The following ZFHX2 variants were observed in gnomAD, a reference collection of about 807,000 sequenced individuals.
The protein encoded by ZFHX2 is zinc finger homeobox protein 2.
A neutral mutation model predicts 164.8 loss-of-function variants in ZFHX2; 75 were observed. The ratio of observed to expected loss-of-function variants is 0.46; its 90% CI spans 0.38 to 0.55. The LOEUF (loss-of-function observed/expected upper bound fraction) is 0.55, where lower values mean the gene tolerates loss of function less well. Among genes scored for constraint, ZFHX2 ranks in the 20% least tolerant of loss-of-function variants. ZFHX2 has a pLI of 0.00. For missense variants in ZFHX2, 2,933 were observed against 3,308.0 expected, an observed-to-expected ratio of 0.89 and a Z score of 2.78; for synonymous variants, 1,217 against 1,351.4, an observed-to-expected ratio of 0.90 and a Z score of 2.18.
chr14:23,541,649 C>T (rs1880830206), intron 1 of ZFHX2, among the ~76,000 whole-genome samples: 1 of 152,188 alleles, frequency 6.6e-6, no homozygotes, highest in Non-Finnish European at 1.5e-5. Context: ...ATTGCTGGGT[C>T]TAGAGAGACC....
At chr14:23,531,420 G>C in intron 4 of ZFHX2, 61 bp downstream of exon 4, 2 of 1,343,706 alleles carry the variant, frequency 1.5e-6, no homozygotes, top group Non-Finnish European at 1.9e-6. Context: ...CAGCCCCCCT[G>C]CTCCCCACAT....
chr14:23,544,775 C>T (rs1048586533), intron 1 of ZFHX2, among the ~76,000 whole-genome samples: 3 of 152,190 alleles, frequency 2.0e-5, no homozygotes, highest in South Asian at 2.1e-4. Context: ...GATGAGGCCC[C>T]GCCCACTGGC....
chr14:23,532,610 T>C lies in ZFHX2; in HGVS notation c.2516A>G (p.His839Arg). 1 of 1,453,650 alleles carries C rather than the reference T, an allele frequency of 6.9e-7. No individual in the cohort carries two copies. The highest frequency in any genetic ancestry group is 9.0e-7 in the Non-Finnish European group (1 of 1,105,770). 90.0% of individuals were successfully genotyped at this position (1,453,650 alleles called of 1,614,324 possible). The change falls in exon 3 of 10, where the codon CAT becomes CGT. Residue 839 changes from histidine to arginine, a missense_variant. Physicochemically the swap from His to Arg is conservative, Grantham distance 29. Transcript: ENST00000419474. ...TTCTTCGTGGGCTGCACCCCTGGCATGCAGCTGCATCTTCTCCTTGCTGTT... is the reference window on the plus strand; with the variant it reads ...TTCTTCGTGGGCTGCACCCCTGGCACGCAGCTGCATCTTCTCCTTGCTGTT... ...ESNSKEKMQL[H>R]ARGAAHEENS...
chr14:23,524,624 T>C lies in ZFHX2; in HGVS notation c.5318A>G (p.Gln1773Arg), dbSNP rs761152772. ...PSPSPAHTCD[Q>R]CAISFSSQDL... is the part of the protein sequence containing the mutation. ...CTGGCTGGAGAAAGAAATGGCACAC[T>C]GGTCACAGGTATGGGCTGGGGAAGG... is the stretch of plus-strand genomic sequence containing the variant. The change falls in exon 9 of 10, where the codon CAG (glutamine) becomes CGG (arginine). Residue 1773 changes from glutamine to arginine, a missense_variant. Coordinates refer to ENST00000419474, the MANE Select transcript of ZFHX2 (RefSeq NM_033400.3). The surrounding 1 kb of genome is among the most constrained non-coding windows in gnomAD (Gnocchi z 5.6). 4.6e-6 allele frequency: 7 copies of C among 1,536,334 alleles called. No individual in the cohort carries two copies. The highest frequency in any genetic ancestry group is 1.4e-5 in the African/African-American group (1 of 73,154).
chr14:23,527,542 C>G, intron 7 of ZFHX2, 62 bp downstream of exon 7: 1 of 1,524,906 alleles, frequency 6.6e-7, no homozygotes, highest in Non-Finnish European at 8.8e-7. Context: ...CTGCCTCTTC[C>G]TCCCCTCCTG....
rs1846974265 is a variant in ZFHX2, at chr14:23,546,438, G to A, written c.-50+4905C>T. On this transcript the variant is annotated intron_variant, in intron 1 of 9. Coordinates refer to ENST00000419474, the MANE Select transcript of ZFHX2 (RefSeq NM_033400.3). This position sits in a 1 kb window ranked among gnomAD's most constrained non-coding sequence, Gnocchi z 4.7. Reference sequence around the variant, plus strand: ...GGTGTATGCAGCCCCCATGCCAGTGGTACAGCTTGGTGACAGGACTGTGGG... The same window carrying A: ...GGTGTATGCAGCCCCCATGCCAGTGATACAGCTTGGTGACAGGACTGTGGG... 6.6e-6 allele frequency among the ~76,000 whole-genome samples: 1 copy of A among 152,278 alleles called. No homozygotes were observed. Among genetic ancestry groups the A allele is most frequent in the African/African-American group, 2.4e-5 (1 of 41,546 alleles).
rs1219731602 is a variant in ZFHX2, at chr14:23,527,820, G to A, written c.2935-16C>T. 2 of 1,534,170 alleles carry A rather than the reference G, an allele frequency of 1.3e-6. No homozygotes were observed. Among genetic ancestry groups the A allele is most frequent in the East Asian group, 4.9e-5 (2 of 40,866 alleles). The stretch of plus-strand genomic sequence containing the variant: ...AGCAGTATACCTGGAGGGAACATAT[G>A]GGCAGTGGACGAAGTGTCAGGGAAG... On this transcript the variant is annotated splice_polypyrimidine_tract_variant and intron_variant, in intron 6 of 9. Coordinates refer to ENST00000419474, the MANE Select transcript of ZFHX2 (RefSeq NM_033400.3).
intron 9 of ZFHX2, 53 bp from the exon 10 acceptor site, chr14:23,522,994 C>A: frequency 7.0e-7 from 1 of 1,424,128 alleles, no homozygotes; most frequent in Non-Finnish European, 9.1e-7. Context: ...TCCCATCATT[C>A]TTCCTGCCAT....
intron 1 of ZFHX2, among the ~76,000 whole-genome samples, chr14:23,547,667 C>T (rs886376689): frequency 6.6e-6 from 1 of 152,202 alleles, no homozygotes; most frequent in African/African-American, 2.4e-5. Flanking sequence ...GTTAACTACC[C>T]TCCAGCCATT....
At position 23,534,686 on chromosome 14, in the gene ZFHX2, G is replaced by C. The variant is rs1179307852; in HGVS notation, c.640C>G (p.Pro214Ala). Residue 214 changes from proline (P) to alanine (A), a missense_variant, in exon 2 of 10, where the codon CCA becomes GCA. Coordinates refer to ENST00000419474, the MANE Select transcript of ZFHX2 (RefSeq NM_033400.3). This position sits in a 1 kb window ranked among gnomAD's most constrained non-coding sequence, Gnocchi z 4.5. ...HGAFWSYQLA[P>A]NPPGDPKDGP... The stretch of plus-strand genomic sequence containing the variant: ...TCTTTGGGATCTCCGGGTGGATTTG[G>C]AGCCAGCTGGTAGCTCCAGAAAGCT... The C allele has an allele frequency of 6.5e-7, 1 of 1,536,204 alleles. No homozygotes were observed. Among genetic ancestry groups the C allele is most frequent in the African/African-American group, 1.4e-5 (1 of 73,180 alleles).
rs751889662 is a variant in ZFHX2 at position 23,535,297 on chromosome 14, G to C, written c.29C>G (p.Thr10Ser). The change falls in exon 2 of 10, where the codon ACT becomes AGT. Residue 10 changes from threonine (T) to serine (S), a missense_variant. By Grantham distance (58) the Thr-to-Ser change is moderately conservative (BLOSUM62 1). Coordinates refer to ENST00000419474, the MANE Select transcript of ZFHX2 (RefSeq NM_033400.3). The surrounding 1 kb of genome is among the most constrained non-coding windows in gnomAD (Gnocchi z 4.5). Reference protein sequence around the residue: MATLNSASTTGTTPSPGHNA... With the variant: MATLNSASTSGTTPSPGHNA... ...GTGCCCAGGGGAGGGGGTGGTACCA[G>C]TGGTAGAGGCTGAGTTAAGGGTGGC... 2.0e-6 allele frequency: 3 copies of C among 1,472,570 alleles called. No homozygotes were observed. Among genetic ancestry groups the C allele is most frequent in the South Asian group, 1.3e-5 (1 of 74,248 alleles). 91.2% of individuals were successfully genotyped at this position (1,472,570 alleles called of 1,614,324 possible). A position where few individuals can be genotyped will look rare whatever the true frequency, so the allele number is the denominator to read the frequency against.
chr14:23,551,826 G>C (rs1002318090), upstream of ZFHX2, among the ~76,000 whole-genome samples: 4 of 152,190 alleles, frequency 2.6e-5, no homozygotes, highest in African/African-American at 9.6e-5. This position sits in a 1 kb window ranked among gnomAD's most constrained non-coding sequence, Gnocchi z 5.3. Context: ...CGCCCGCCGC[G>C]GCGCATGCCG....
At chr14:23,527,050 C>T (rs1237450838) in intron 7 of ZFHX2, 77 bp from the exon 8 acceptor site, 2 of 1,419,154 alleles carry the variant, frequency 1.4e-6, no homozygotes, top group Admixed American at 3.1e-5. Context: ...ATCTGCCCTA[C>T]ACCTGTACTT....
At position 23,525,688 on chromosome 14, in the gene ZFHX2, C is replaced by G. The variant is rs1385485323; in HGVS notation, c.4254G>C (p.Glu1418Asp). 5 of 1,530,146 alleles carry G rather than the reference C, an allele frequency of 3.3e-6. 1 individual carries two copies. Among genetic ancestry groups the G allele is most frequent in the Non-Finnish European group, 4.4e-6 (5 of 1,143,222 alleles). The allele number at this position is 1,530,146 out of a possible 1,614,324, so 94.8% of individuals were successfully genotyped here. Residue 1418 changes from glutamate (E) to aspartate (D), a missense_variant, in exon 9 of 10, where the codon GAG becomes GAC. Physicochemically the swap from Glu to Asp is conservative, Grantham distance 45. Transcript: ENST00000419474. The surrounding 1 kb of genome is among the most constrained non-coding windows in gnomAD (Gnocchi z 5.9). ...GTGAGGAAGGCCCTGCCTCATTACCCTCTTTGGCCATGGGGGGCCGCTCCC... is the reference window on the plus strand; with the variant it reads ...GTGAGGAAGGCCCTGCCTCATTACCGTCTTTGGCCATGGGGGGCCGCTCCC... ...REWERPPMAK[E>D]GNEAGPSSPP...
rs1271026233 is a variant in ZFHX2 at position 23,527,822 on chromosome 14, G to A, written c.2935-18C>T. 2 of 1,534,728 alleles carry A rather than the reference G, an allele frequency of 1.3e-6. No homozygotes were observed. The highest frequency in any genetic ancestry group is 1.7e-6 in the Non-Finnish European group (2 of 1,146,536). ...CAGTATACCTGGAGGGAACATATGG[G>A]CAGTGGACGAAGTGTCAGGGAAGGA... On this transcript the variant is annotated intron_variant, in intron 6 of 9. Coordinates refer to ENST00000419474, the MANE Select transcript of ZFHX2 (RefSeq NM_033400.3).
Position 23,525,793 on chromosome 14 carries a change from A to C in ZFHX2, c.4149T>G (p.Pro1383=). ...CAGCTGGCAGGGACAGCACAGGTGC[A>C]GGCCCAGCTAGTGTCAGCTTGGGCC... ...KVGPKLTLAG[P]APVLSLPAAT... Residue 1383 remains proline, a synonymous_variant, in exon 9 of 10, where the codon CCT becomes CCG. Coordinates refer to ENST00000419474, the MANE Select transcript of ZFHX2 (RefSeq NM_033400.3). The surrounding 1 kb of genome is among the most constrained non-coding windows in gnomAD (Gnocchi z 5.9). 1 of 1,481,482 alleles carries C rather than the reference A, an allele frequency of 6.7e-7. No individual in the cohort carries two copies. The highest frequency in any genetic ancestry group is 1.3e-5 in the South Asian group (1 of 74,088). The allele number at this position is 1,481,482 out of a possible 1,614,324, so 91.8% of individuals were successfully genotyped here. A position where few individuals can be genotyped will look rare whatever the true frequency, so the allele number is the denominator to read the frequency against.
rs1349331780 is a variant in ZFHX2 at position 23,532,768 on chromosome 14, G to A, written c.2358C>T (p.Tyr786=). Residue 786 remains tyrosine, a synonymous_variant, in exon 3 of 10, where the codon TAC becomes TAT. Transcript: ENST00000419474. The part of the protein sequence containing the change: ...HLKTDKHAQK[Y]QLAAHLREGG... ...CCTCCCGCAGGTGGGCTGCCAGCTG[G>A]TACTTCTGAGCATGTTTGTCAGTCT... is the stretch of plus-strand genomic sequence containing the variant. 5.2e-6 allele frequency: 8 copies of A among 1,536,280 alleles called. No individual in the cohort carries two copies. The highest frequency in any genetic ancestry group is 7.0e-6 in the Non-Finnish European group (8 of 1,146,946).
chr14:23,522,370 T>G lies in ZFHX2; in HGVS notation c.7311A>C (p.Thr2437=), dbSNP rs1878114146. The change falls in exon 10 of 10, where the codon ACA becomes ACC. Residue 2437 remains threonine (T), a synonymous_variant. Transcript: ENST00000419474. Reference sequence around the variant, plus strand: ...CCACGGTGGAGATGCCAGTGCTGCCTGTCAGCAGCTCATCAACCTCACCAG... The same window carrying G: ...CCACGGTGGAGATGCCAGTGCTGCCGGTCAGCAGCTCATCAACCTCACCAG... The part of the protein sequence containing the change: ...GEAGEVDELL[T]GSTGISTVDV... 3.9e-6 allele frequency: 6 copies of G among 1,536,158 alleles called. No individual in the cohort carries two copies. The East Asian group carries it at 1.5e-4, about 38-fold the overall frequency.
At position 23,525,363 on chromosome 14, in the gene ZFHX2, A is replaced by G; in HGVS notation, c.4579T>C (p.Tyr1527His). 4 of 1,536,120 alleles carry G rather than the reference A, an allele frequency of 2.6e-6. No homozygotes were observed. Among genetic ancestry groups the G allele is most frequent in the South Asian group, 1.2e-5 (1 of 84,052 alleles). ...AQFRKSYDSL[Y>H]PPLAEPPKPP... ...TTGGGAGGCTCTGCAAGGGGCGGGT[A>G]TAGGCTGTCATAGCTCTTTCGAAAC... The change falls in exon 9 of 10, where the codon TAC (tyrosine) becomes CAC (histidine). Residue 1527 changes from tyrosine (Y) to histidine (H), a missense_variant. Tyr to His is a moderately conservative substitution (Grantham distance 83). Transcript: ENST00000419474. This position sits in a 1 kb window ranked among gnomAD's most constrained non-coding sequence, Gnocchi z 5.9.
Sources: gnomAD v4.1 joint callset for allele counts (sites outside exome capture counted in the v4.1 genomes callset) on GRCh38, gnomAD v4.1.1 for gene constraint, Gnocchi (gnomAD v3.1) non-coding constraint, MANE v1.5 for transcripts, NCBI Gene and HGNC (gene_info 2026-07-23, HGNC 2026-07-21) for gene names.